Variants in SYCN observed in about 807,000 individuals in gnomAD.
SYCN encodes the protein syncollin, also known as insulin synthesis associated 1.
SYCN carries 16 observed loss-of-function variants against 12.6 expected under a neutral mutation model. The ratio of observed to expected loss-of-function variants is 1.27; its 90% CI spans 0.86 to 1.92. SYCN has a LOEUF of 1.92. Ranked by LOEUF, SYCN falls within the 30% of genes most tolerant of loss-of-function variation. The pLI, the probability that SYCN is intolerant of heterozygous loss-of-function variation, is 0.00. For missense variants in SYCN, 226 were observed against 181.8 expected, an observed-to-expected ratio of 1.24 and a Z score of -1.40; for synonymous variants, 97 against 88.4, an observed-to-expected ratio of 1.10 and a Z score of -0.55.
In SYCN at chr19:39,203,992, A is replaced by G. The variant is rs750085922; in HGVS notation, c.263T>C (p.Leu88Pro). 5 of 1,610,174 alleles carry G rather than the reference A, an allele frequency of 3.1e-6. No homozygotes were observed. Among genetic ancestry groups the G allele is most frequent in the Non-Finnish European group, 4.2e-6 (5 of 1,178,450 alleles). ...CTTGCCTTGCCGGGACCACACGGTG[A>G]GCTCGCAGCGCGGGGCCACCACAAG... ...SSLVVAPRCE[L>P]TVWSRQGKAG... The change falls in exon 1 of 2, where the codon CTC (leucine) becomes CCC (proline). Residue 88 changes from leucine to proline, a missense_variant. Coordinates refer to ENST00000318438, the MANE Select transcript of SYCN (RefSeq NM_001080468.4).
In SYCN at chr19:39,204,223, A is replaced by C. The variant is rs759176902; in HGVS notation, c.32T>G (p.Leu11Arg). 3 of 1,596,330 alleles carry C rather than the reference A, an allele frequency of 1.9e-6. No homozygotes were observed. Among genetic ancestry groups the C allele is most frequent in the South Asian group, 2.2e-5 (2 of 89,872 alleles). MSPLRPLLLA[L>R]ALASVPCAQG... is the part of the protein sequence containing the mutation. ...GGCGCAAGGCACGGAGGCAAGGGCC[A>C]GGGCCAGCAGCAGCGGGCGCAGCGG... The change falls in exon 1 of 2, where the codon CTG becomes CGG. Residue 11 changes from leucine (L) to arginine (R), a missense_variant. By Grantham distance (102) the Leu-to-Arg change is moderately radical. Coordinates refer to ENST00000318438, the MANE Select transcript of SYCN (RefSeq NM_001080468.4).
rs759176902 is a variant in SYCN at position 39,204,223 on chromosome 19, A to G, written c.32T>C (p.Leu11Pro). The part of the protein sequence containing the change: MSPLRPLLLA[L>P]ALASVPCAQG... ...GGCGCAAGGCACGGAGGCAAGGGCC[A>G]GGGCCAGCAGCAGCGGGCGCAGCGG... is the stretch of plus-strand genomic sequence containing the variant. Residue 11 changes from leucine to proline, a missense_variant, in exon 1 of 2, where the codon CTG becomes CCG. Coordinates refer to ENST00000318438, the MANE Select transcript of SYCN (RefSeq NM_001080468.4). The G allele has an allele frequency of 3.8e-6, 6 of 1,596,330 alleles. No individual in the cohort carries two copies. Among genetic ancestry groups the G allele is most frequent in the Non-Finnish European group, 4.3e-6 (5 of 1,173,866 alleles).
In SYCN at chr19:39,203,873, C is replaced by G; in HGVS notation, c.382G>C (p.Ala128Pro). 6.3e-7 allele frequency: 1 copy of G among 1,597,384 alleles called. No individual in the cohort carries two copies. The highest frequency in any genetic ancestry group is 8.5e-7 in the Non-Finnish European group (1 of 1,169,752). The change falls in exon 1 of 2, where the codon GCG (alanine) becomes CCG (proline). Residue 128 changes from alanine (A) to proline (P), a missense_variant. Coordinates refer to ENST00000318438, the MANE Select transcript of SYCN (RefSeq NM_001080468.4). The stretch of plus-strand genomic sequence containing the variant: ...GCGGCCGGGCACCTGCAGTAGAGCG[C>G]GGAGATAGCGTTGGACCAGTCTCCT... ...ILGDWSNAISALYCRCS is the reference protein window; with the variant it reads ...ILGDWSNAISPLYCRCS
chr19:39,203,881 G>C lies in SYCN; in HGVS notation c.374C>G (p.Ala125Gly), dbSNP rs759484109. The change falls in exon 1 of 2, where the codon GCT (alanine) becomes GGT (glycine). Residue 125 changes from alanine (A) to glycine (G), a missense_variant. Physicochemically the swap from Ala to Gly is moderately conservative, Grantham distance 60. Transcript: ENST00000318438. ...GCACCTGCAGTAGAGCGCGGAGATA[G>C]CGTTGGACCAGTCTCCTAAGATGCC... ...RRGILGDWSNAISALYCRCS is the reference protein window; with the variant it reads ...RRGILGDWSNGISALYCRCS 3 of 1,606,848 alleles carry C rather than the reference G, an allele frequency of 1.9e-6. No individual in the cohort carries two copies. Among genetic ancestry groups the C allele is most frequent in the Non-Finnish European group, 2.6e-6 (3 of 1,176,018 alleles).
In SYCN at chr19:39,202,873, G is replaced by C; in HGVS notation, c.*114C>G. ...TGTATTGCAGGGGAGGTGGGAGGGG[G>C]CAGGCAGAACGCTCCTCCTCCTGGG... On this transcript the variant is annotated 3_prime_UTR_variant, in exon 2 of 2. Transcript: ENST00000318438. 9.0e-7 allele frequency: 1 copy of C among 1,107,636 alleles called. No homozygotes were observed. Among genetic ancestry groups the C allele is most frequent in the Non-Finnish European group, 1.3e-6 (1 of 760,816 alleles). The allele number at this position is 1,107,636 out of a possible 1,614,324, so 68.6% of individuals were successfully genotyped here.
At position 39,202,983 on chromosome 19, in the gene SYCN, T is replaced by G; in HGVS notation, c.*4A>C. 6.3e-7 allele frequency: 1 copy of G among 1,579,478 alleles called. No individual in the cohort carries two copies. The highest frequency in any genetic ancestry group is 8.6e-7 in the Non-Finnish European group (1 of 1,163,446). On this transcript the variant is annotated 3_prime_UTR_variant, in exon 2 of 2. Coordinates refer to ENST00000318438, the MANE Select transcript of SYCN (RefSeq NM_001080468.4). ...GAAGCTGCAGATGAGAGACCAGCAA[T>G]GCATCAGCTGCACCTGAAATGTAAT... is the stretch of plus-strand genomic sequence containing the variant.
At chr19:39,203,322 C>G (rs543092300) in intron 1 of SYCN, among the ~76,000 whole-genome samples, 58 of 151,824 alleles carry the variant, frequency 3.8e-4, no homozygotes, top group African/African-American at 1.4e-3. Context: ...TCTGGAGGGT[C>G]TAGGGGAGTG....
chr19:39,204,205 G>C lies in SYCN; in HGVS notation c.50C>G (p.Pro17Arg). The change falls in exon 1 of 2, where the codon CCT becomes CGT. Residue 17 changes from proline (P) to arginine (R), a missense_variant. Coordinates refer to ENST00000318438, the MANE Select transcript of SYCN (RefSeq NM_001080468.4). ...LLLALALASV[P>R]CAQGACPASA... ...GGCGGGGCAGGCGCCCTGGGCGCAA[G>C]GCACGGAGGCAAGGGCCAGGGCCAG... 3 of 1,607,780 alleles carry C rather than the reference G, an allele frequency of 1.9e-6. No homozygotes were observed. Among genetic ancestry groups the C allele is most frequent in the Non-Finnish European group, 2.5e-6 (3 of 1,178,618 alleles).
chr19:39,203,103 T>C, intron 1 of SYCN, 107 bp from the exon 2 acceptor site: 1 of 1,229,312 alleles, frequency 8.1e-7, no homozygotes. Flanking sequence ...GGTCTGAGGC[T>C]CCAAGTTCAG....
Position 39,204,257 on chromosome 19 carries a change from T to C in SYCN, c.-3A>G. ...AGCAGCGGGCGCAGCGGGGACATGG[T>C]GGCAGTGCCCTGCCGCAGCCCCGCG... On this transcript the variant is annotated 5_prime_UTR_variant, in exon 1 of 2. Coordinates refer to ENST00000318438, the MANE Select transcript of SYCN (RefSeq NM_001080468.4). The C allele has an allele frequency of 1.9e-6, 3 of 1,540,224 alleles. No individual in the cohort carries two copies. The highest frequency in any genetic ancestry group is 2.6e-6 in the Non-Finnish European group (3 of 1,151,184).
chr19:39,204,040 T>C lies in SYCN; in HGVS notation c.215A>G (p.Asn72Ser), dbSNP rs1419247210. ...AAGTGAGGAGGCGGTGTTGGCCCAG[T>C]TGGAGGGCAGGTAGGGCAGGTCTGC... ...SGADLPYLPSNWANTASSLVV... is the reference protein window; with the variant it reads ...SGADLPYLPSSWANTASSLVV... Residue 72 changes from asparagine (N) to serine (S), a missense_variant, in exon 1 of 2, where the codon AAC (asparagine) becomes AGC (serine). Physicochemically the swap from Asn to Ser is conservative, Grantham distance 46. Transcript: ENST00000318438. The C allele has an allele frequency of 6.2e-7, 1 of 1,612,514 alleles. No homozygotes were observed. The highest frequency in any genetic ancestry group is 8.5e-7 in the Non-Finnish European group (1 of 1,179,350).
chr19:39,203,204 T>C (rs2074795735), intron 1 of SYCN, among the ~76,000 whole-genome samples: 1 of 151,054 alleles, frequency 6.6e-6, no homozygotes, highest in South Asian at 2.1e-4. Flanking sequence ...TGGGAGGGTG[T>C]CACCGCTGGA....
Position 39,202,927 on chromosome 19 carries a change from A to G in SYCN, c.*60T>C. The G allele has an allele frequency of 6.4e-7, 1 of 1,560,406 alleles. No homozygotes were observed. The highest frequency in any genetic ancestry group is 1.2e-5 in the South Asian group (1 of 84,834). Reference sequence around the variant, plus strand: ...TGGGGCCCCGGAGCAGAGCCCAGGGATGGGCTGAGTGAGGGGCTTGGCACT... The same window carrying G: ...TGGGGCCCCGGAGCAGAGCCCAGGGGTGGGCTGAGTGAGGGGCTTGGCACT... On this transcript the variant is annotated 3_prime_UTR_variant, in exon 2 of 2. Coordinates refer to ENST00000318438, the MANE Select transcript of SYCN (RefSeq NM_001080468.4).
Position 39,203,801 on chromosome 19 carries a change from C to T in SYCN, c.395+59G>A, listed in dbSNP as rs548864354. ...GGGGCTTGGGTGGTGGGTGTGGGGG[C>T]TTATGCGGAGCTGGGGCCTGGGCCT... On this transcript the variant is annotated intron_variant, in intron 1 of 1. Coordinates refer to ENST00000318438, the MANE Select transcript of SYCN (RefSeq NM_001080468.4). 1.6e-4 allele frequency: 236 copies of T among 1,517,432 alleles called. 1 individual carries two copies. In the South Asian group the frequency reaches 2.8e-3, roughly 18 times the overall value. The allele number at this position is 1,517,432 out of a possible 1,614,324, so 94.0% of individuals were successfully genotyped here.
Position 39,203,960 on chromosome 19 carries a change from T to TG in SYCN, c.294dup (p.Lys99GlnfsTer?), listed in dbSNP as rs1179350919. The TG allele has an allele frequency of 6.2e-7, 1 of 1,609,052 alleles. No individual in the cohort carries two copies. The highest frequency in any genetic ancestry group is 8.5e-7 in the Non-Finnish European group (1 of 1,177,944). ...GTGCCGGCAGAGAACTTGTGCGTCTTGCCCGCCTTGCCTTGCCGGGACCAC... is the reference window on the plus strand; with the variant it reads ...GTGCCGGCAGAGAACTTGTGCGTCTTGGCCCGCCTTGCCTTGCCGGGACCAC... On this transcript the variant is annotated frameshift_variant, in exon 1 of 2. Transcript: ENST00000318438. LOFTEE classifies it high-confidence loss of function.
chr19:39,203,781 T>C (rs1053513552), intron 1 of SYCN, 79 bp downstream of exon 1: 38 of 1,468,280 alleles, frequency 2.6e-5, no homozygotes, highest in Non-Finnish European at 3.4e-5. Context: ...GCCTCGGGGC[T>C]TGGGTGGTGG....
Position 39,203,939 on chromosome 19 carries a change from C to A in SYCN, c.316G>T (p.Gly106Cys), listed in dbSNP as rs747271523. The A allele has an allele frequency of 2.5e-6, 4 of 1,610,362 alleles. No homozygotes were observed. In the South Asian group the frequency reaches 3.3e-5, roughly 13 times the overall value. The change falls in exon 1 of 2, where the codon GGC becomes TGC. Residue 106 changes from glycine (G) to cysteine (C), a missense_variant. Transcript: ENST00000318438. ...TACTCCTCCAGGCGCGGGTAGGTGC[C>A]GGCAGAGAACTTGTGCGTCTTGCCC... Reference protein sequence around the residue: ...KAGKTHKFSAGTYPRLEEYRR... With the variant: ...KAGKTHKFSACTYPRLEEYRR...
In SYCN at chr19:39,204,069, C is replaced by T. The variant is rs773047150; in HGVS notation, c.186G>A (p.Ser62=). 9 of 1,612,798 alleles carry T rather than the reference C, an allele frequency of 5.6e-6. No individual in the cohort carries two copies. The African/African-American group carries it at 9.3e-5, about 17-fold the overall frequency. ...CCGGAELSLE[S]GADLPYLPSN... is the part of the protein sequence containing the mutation. Reference sequence around the variant, plus strand: ...AGGGCAGGTAGGGCAGGTCTGCGCCCGACTCCAGCGACAGCTCGGCGCCCC... The same window carrying T: ...AGGGCAGGTAGGGCAGGTCTGCGCCTGACTCCAGCGACAGCTCGGCGCCCC... The change falls in exon 1 of 2, where the codon TCG becomes TCA. Residue 62 remains serine, a synonymous_variant. Transcript: ENST00000318438.
At position 39,203,339 on chromosome 19, in the gene SYCN, A is replaced by G. The variant is rs188319116; in HGVS notation, c.396-343T>C. On this transcript the variant is annotated intron_variant, in intron 1 of 1. Transcript: ENST00000318438. The stretch of plus-strand genomic sequence containing the variant: ...TGGAGGGTCTAGGGGAGTGGAGAGC[A>G]TGAAGGCTACACTGGGTGTTCCTAT... Among the ~76,000 whole-genome samples the G allele has an allele frequency of 4.5e-3, 680 of 151,976 alleles. 4 individuals are homozygous for G. Among genetic ancestry groups the G allele is most frequent in the South Asian group, 0.014 (67 of 4,814 alleles).
Sources: allele counts gnomAD v4.1 joint callset (sites outside exome capture counted in the v4.1 genomes callset), GRCh38; gene constraint gnomAD v4.1.1; transcripts MANE v1.5; gene names NCBI Gene and HGNC (gene_info 2026-07-23, HGNC 2026-07-21).